CNTN5: variants seen among roughly 807,000 people sequenced by gnomAD.
CNTN5 encodes contactin-5.
Under a neutral mutation model 129.1 loss-of-function variants are expected in CNTN5, and 77 were observed. That is an observed-to-expected ratio of 0.60 (90% CI 0.50 to 0.72). The LOEUF is 0.72. Ranked by LOEUF, CNTN5 falls within the 30% of genes least tolerant of loss-of-function variation. The probability of loss-of-function intolerance (pLI) is 0.00; values close to 1 mark genes in which losing one functional copy is unlikely to be tolerated. For synonymous variants in CNTN5, 509 were observed against 465.6 expected, an observed-to-expected ratio of 1.09 and a Z score of -1.20; for missense variants, 1,478 against 1,328.8, an observed-to-expected ratio of 1.11 and a Z score of -1.75.
chr11:99,510,688 T>G (rs1450739064), intron 2 of CNTN5, among the ~76,000 whole-genome samples: 1 of 152,202 alleles, frequency 6.6e-6, no homozygotes, highest in Non-Finnish European at 1.5e-5. Flanking sequence ...TGTACTGCAA[T>G]GCATTATTCA....
chr11:99,418,458 T>A (rs1942756050), intron 2 of CNTN5, among the ~76,000 whole-genome samples: 1 of 152,194 alleles, frequency 6.6e-6, no homozygotes. Context: ...AGCGCTCAAG[T>A]TCAGATAACA....
intron 1 of CNTN5, among the ~76,000 whole-genome samples, chr11:99,079,501 A>G (rs1250548985): frequency 6.6e-6 from 1 of 152,218 alleles, no homozygotes; most frequent in Non-Finnish European, 1.5e-5. Context: ...TATGGGGCCA[A>G]AAGTACAGAA....
intron 3 of CNTN5, among the ~76,000 whole-genome samples, chr11:99,740,422 T>C (rs1259471642): frequency 6.6e-6 from 1 of 152,180 alleles, no homozygotes; most frequent in East Asian, 1.9e-4. Context: ...ATAGTATTGG[T>C]AATGCATTCT....
intron 2 of CNTN5, among the ~76,000 whole-genome samples, chr11:99,379,430 A>G (rs10893244): frequency 0.24 from 36,622 of 151,876 alleles, 5,301 homozygotes; most frequent in Middle Eastern, 0.35. Flanking sequence ...ACCTTTCTCA[A>G]TTGAAATGAC....
chr11:99,159,363 C>T (rs1381663338), intron 1 of CNTN5, among the ~76,000 whole-genome samples: 3 of 152,188 alleles, frequency 2.0e-5, no homozygotes, highest in Admixed American at 6.5e-5. Context: ...TGGCTCACGC[C>T]TGTAGTCCCA....
At chr11:99,250,389 T>C (rs1246498094) in intron 1 of CNTN5, among the ~76,000 whole-genome samples, 1 of 151,940 alleles carries the variant, frequency 6.6e-6, no homozygotes, top group Non-Finnish European at 1.5e-5. Context: ...AGGAAATACA[T>C]GAAGGATATT....
intron 6 of CNTN5, among the ~76,000 whole-genome samples, chr11:99,887,950 C>G (rs1264702467): frequency 2.6e-5 from 4 of 152,152 alleles, no homozygotes; most frequent in Admixed American, 1.3e-4. Context: ...CACAGACACA[C>G]CCAGGAACAA....
intron 15 of CNTN5, among the ~76,000 whole-genome samples, chr11:100,220,874 A>G (rs1282002743): frequency 6.6e-6 from 1 of 152,192 alleles, no homozygotes; most frequent in East Asian, 1.9e-4. Flanking sequence ...CTCTTTTCCT[A>G]ACTTACTAGA....
At chr11:99,577,012 A>G (rs1190381028) in intron 3 of CNTN5, among the ~76,000 whole-genome samples, 2 of 152,160 alleles carry the variant, frequency 1.3e-5, no homozygotes, top group Non-Finnish European at 2.9e-5. Context: ...AAGGGAAAAA[A>G]TGTTGAGGGA....
At chr11:100,069,113 T>C (rs552403074) in intron 10 of CNTN5, among the ~76,000 whole-genome samples, 102 of 152,276 alleles carry the variant, frequency 6.7e-4, no homozygotes, top group Non-Finnish European at 1.1e-3. Flanking sequence ...GCTACTCCGT[T>C]ATACCCACTA....
intron 1 of CNTN5, among the ~76,000 whole-genome samples, chr11:99,285,765 C>T (rs957746773): frequency 2.0e-5 from 3 of 151,980 alleles, no homozygotes; most frequent in South Asian, 2.1e-4. Flanking sequence ...AGGCCAGGCA[C>T]GGTGGCTCAT....
intron 3 of CNTN5, among the ~76,000 whole-genome samples, chr11:99,598,633 T>C (rs1044385782): frequency 6.6e-6 from 1 of 151,626 alleles, no homozygotes; most frequent in Non-Finnish European, 1.5e-5. Flanking sequence ...TTTTTTTTTT[T>C]CTCATATGTG....
intron 1 of CNTN5, among the ~76,000 whole-genome samples, chr11:99,091,588 C>G (rs1240974026): frequency 6.6e-6 from 1 of 152,150 alleles, no homozygotes; most frequent in African/African-American, 2.4e-5. Flanking sequence ...TTTGTGAGAG[C>G]TGAGCCCACC....
chr11:99,856,893 T>A (rs1342379273), intron 6 of CNTN5, among the ~76,000 whole-genome samples: 4 of 152,176 alleles, frequency 2.6e-5, no homozygotes, highest in African/African-American at 9.6e-5. Context: ...TCATGCTCAT[T>A]TATGATATCA....
intron 3 of CNTN5, among the ~76,000 whole-genome samples, chr11:99,796,399 G>A (rs1945941662): frequency 6.6e-6 from 1 of 152,058 alleles, no homozygotes; most frequent in Non-Finnish European, 1.5e-5. Flanking sequence ...AAAGTGATAG[G>A]GGGGTAGCCA....
At chr11:99,032,623 T>C (rs550150389) in intron 1 of CNTN5, among the ~76,000 whole-genome samples, 2 of 152,168 alleles carry the variant, frequency 1.3e-5, no homozygotes, top group East Asian at 1.9e-4. Flanking sequence ...TGTTTGTTTT[T>C]TTCTTGTAAA....
intron 15 of CNTN5, among the ~76,000 whole-genome samples, chr11:100,212,026 C>T (rs1486524721): frequency 6.6e-6 from 1 of 152,126 alleles, no homozygotes; most frequent in Non-Finnish European, 1.5e-5. Context: ...CCCATAATGG[C>T]ATCTATCACA....
At chr11:100,201,435 A>G (rs1948775276) in intron 15 of CNTN5, among the ~76,000 whole-genome samples, 1 of 152,000 alleles carries the variant, frequency 6.6e-6, no homozygotes, top group African/African-American at 2.4e-5. Context: ...ATTCTTTATA[A>G]CATTATCACT....
intron 2 of CNTN5, among the ~76,000 whole-genome samples, chr11:99,543,347 C>A (rs1434383710): frequency 2.6e-5 from 4 of 152,140 alleles, no homozygotes; most frequent in Non-Finnish European, 5.9e-5. Context: ...TCACCTATTT[C>A]TTGTACTTTC....
Sources: gnomAD v4.1 joint callset for allele counts (sites outside exome capture counted in the v4.1 genomes callset) on GRCh38, gnomAD v4.1.1 for gene constraint, MANE v1.5 for transcripts, NCBI Gene and HGNC (gene_info 2026-07-23, HGNC 2026-07-21) for gene names.